Variants in MTCL1 observed in about 807,000 individuals in gnomAD.
MTCL1 encodes the protein microtubule cross-linking factor 1.
A neutral mutation model predicts 141.4 loss-of-function variants in MTCL1; 79 were observed. That is an observed-to-expected ratio of 0.56 (90% confidence interval 0.47 to 0.67). The LOEUF (loss-of-function observed/expected upper bound fraction) is 0.67, where lower values mean the gene tolerates loss of function less well. MTCL1 is among the 30% of genes least tolerant of loss of function. The pLI, the probability that MTCL1 is intolerant of heterozygous loss-of-function variation, is 0.00. For missense variants in MTCL1, 2,177 were observed against 2,113.9 expected (o/e 1.03, Z -0.59); for synonymous variants, 914 against 875.8 (o/e 1.04, Z -0.77).
exon 13 of MTCL1, chr18:8,819,199 C>T (rs1316107856): frequency 9.3e-6 from 15 of 1,614,068 alleles, no homozygotes; most frequent in Middle Eastern, 1.6e-4. Context: ...CCCTGGATGA[C>T]GAGCCAGAAG....
chr18:8,786,113 C>CT lies in MTCL1; in HGVS notation c.1887+22_1887+23insT, dbSNP rs1555655953. 27 of 1,383,506 alleles carry CT rather than the reference C, an allele frequency of 2.0e-5. No homozygotes were observed. The East Asian group carries it at 3.6e-4, about 19-fold the overall frequency. 85.7% of individuals were successfully genotyped at this position (1,383,506 alleles called of 1,614,324 possible). On this transcript the variant is annotated intron_variant, in intron 7 of 16. Coordinates refer to ENST00000359865, the Ensembl canonical transcript of MTCL1. ...GGAGGTCAGCGTGGGCAAGCAATCC[C>CT]CCCCCCCCGCCCTCCCCCTCCTTTT...
rs1282650114 is a variant in MTCL1 at position 8,822,052 on chromosome 18, A to T, written c.3188+554A>T. Among the ~76,000 whole-genome samples, 1 of 152,122 alleles carries T rather than the reference A, an allele frequency of 6.6e-6. No homozygotes were observed. The highest frequency in any genetic ancestry group is 1.9e-4 in the East Asian group (1 of 5,192). ...ATACATACCGTTTCTACTACATGAA[A>T]TTTCTTCTCAGGCAATTCAGCATTT... On this transcript the variant is annotated intron_variant, in intron 14 of 16. Coordinates refer to ENST00000359865, the Ensembl canonical transcript of MTCL1. The surrounding 1 kb of genome is among the most constrained non-coding windows in gnomAD (Gnocchi z 4.6).
chr18:8,789,969 G>A (rs780143658), intron 7 of MTCL1, among the ~76,000 whole-genome samples: 49 of 152,312 alleles, frequency 3.2e-4, no homozygotes, highest in Non-Finnish European at 6.5e-4. Flanking sequence ...GCAGTTGTCC[G>A]TGGGAGTTTT....
chr18:8,815,869 A>C (rs7232053), intron 12 of MTCL1, among the ~76,000 whole-genome samples: 98,670 of 151,978 alleles, frequency 0.65, 32,354 homozygotes, highest in Non-Finnish European at 0.68. Flanking sequence ...GCATCTGTTC[A>C]TGAAATCTGT....
chr18:8,831,868 CAA>C, exon 17 of MTCL1: 1 of 1,518,236 alleles, frequency 6.6e-7, no homozygotes. Context: ...TCACCATGAA[CAA>C]AACTCTGCCC....
At chr18:8,741,400 G>A (rs1409252943) in intron 4 of MTCL1, among the ~76,000 whole-genome samples, 1 of 152,156 alleles carries the variant, frequency 6.6e-6, no homozygotes, top group African/African-American at 2.4e-5. Context: ...ATAATAGCAA[G>A]TACCTTTTAT....
intron 4 of MTCL1, among the ~76,000 whole-genome samples, chr18:8,770,654 CAT>C (rs1331986383): frequency 6.6e-6 from 1 of 152,212 alleles, no homozygotes; most frequent in Non-Finnish European, 1.5e-5. Context: ...GAGACACAAA[CAT>C]TTAGTCCATA....
chr18:8,722,889 A>G lies in MTCL1; in HGVS notation c.357+2393A>G, dbSNP rs140179651. Among the ~76,000 whole-genome samples the G allele has an allele frequency of 1.9e-4, 29 of 152,312 alleles. No individual in the cohort carries two copies. The East Asian group carries it at 5.0e-3, about 26-fold the overall frequency. ...TGAAGATTCTGTTGCATACATTTAA[A>G]TGGATTTGTGTAGGATTTGGCATCT... On this transcript the variant is annotated intron_variant, in intron 4 of 16. Coordinates refer to ENST00000359865, the Ensembl canonical transcript of MTCL1.
chr18:8,831,164 G>T, intron 16 of MTCL1: 2 of 989,804 alleles, frequency 2.0e-6, no homozygotes, highest in South Asian at 9.3e-5. Context: ...TCTCTTTGTG[G>T]GCTCCCAGTA....
At chr18:8,708,744 C>A (rs999572581) in intron 1 of MTCL1, among the ~76,000 whole-genome samples, 2 of 152,230 alleles carry the variant, frequency 1.3e-5, no homozygotes, top group African/African-American at 4.8e-5. Flanking sequence ...CGTCTCTCCA[C>A]TAGCCTGTGT....
chr18:8,811,680 T>C (rs1426707598), intron 11 of MTCL1, among the ~76,000 whole-genome samples: 1 of 152,226 alleles, frequency 6.6e-6, no homozygotes, highest in South Asian at 2.1e-4. Flanking sequence ...TGACTTACCA[T>C]GTCCCTTAGG....
chr18:8,801,901 C>T (rs1445887846), intron 10 of MTCL1: 2 of 152,206 alleles, frequency 1.3e-5, no homozygotes, highest in African/African-American at 2.4e-5. Context: ...GACTCTTGGC[C>T]AGAGGGCAGA....
At chr18:8,730,530 A>G (rs1305365750) in intron 4 of MTCL1, among the ~76,000 whole-genome samples, 1 of 152,230 alleles carries the variant, frequency 6.6e-6, no homozygotes, top group Non-Finnish European at 1.5e-5. Context: ...ACTGTGAGTC[A>G]TGAAATTGGC....
chr18:8,770,648 CACAA>C (rs1476536050), intron 4 of MTCL1, among the ~76,000 whole-genome samples: 2 of 152,208 alleles, frequency 1.3e-5, no homozygotes, highest in African/African-American at 4.8e-5. Context: ...TTTGGGGAGA[CACAA>C]ACATTTAGTC....
chr18:8,792,027 A>G (rs146005908), intron 7 of MTCL1, among the ~76,000 whole-genome samples: 1 of 152,270 alleles, frequency 6.6e-6, no homozygotes, highest in East Asian at 1.9e-4. Context: ...ACTCTTGACT[A>G]CCCAGGTACC....
intron 14 of MTCL1, among the ~76,000 whole-genome samples, chr18:8,824,429 T>C (rs2076946334): frequency 6.6e-6 from 1 of 152,158 alleles, no homozygotes; most frequent in Non-Finnish European, 1.5e-5. Flanking sequence ...CCTCCCAAAG[T>C]GTTGGGATTA....
At chr18:8,791,722 G>T (rs1341327916) in intron 7 of MTCL1, among the ~76,000 whole-genome samples, 1 of 152,284 alleles carries the variant, frequency 6.6e-6, no homozygotes, top group African/African-American at 2.4e-5. Context: ...GTAGGGAAAT[G>T]CATCTTTTCA....
At chr18:8,708,749 C>T (rs1329031634) in intron 1 of MTCL1, among the ~76,000 whole-genome samples, 9 of 152,212 alleles carry the variant, frequency 5.9e-5, no homozygotes, top group Admixed American at 5.9e-4. Flanking sequence ...CTCCACTAGC[C>T]TGTGTACGAA....
chr18:8,829,982 G>A (rs183540119), intron 16 of MTCL1: 70 of 985,448 alleles, frequency 7.1e-5, no homozygotes, highest in Admixed American at 6.8e-4. Context: ...CCAGCCAGGC[G>A]GAACGGGATA....
Sources: allele counts gnomAD v4.1 joint callset (sites outside exome capture counted in the v4.1 genomes callset), GRCh38; gene constraint gnomAD v4.1.1; non-coding constraint Gnocchi (gnomAD v3.1); transcripts MANE v1.5; gene names NCBI Gene and HGNC (gene_info 2026-07-23, HGNC 2026-07-21).